RALYL: variants seen among roughly 807,000 people sequenced by gnomAD.
The protein encoded by RALYL is RNA-binding Raly-like protein.
RALYL carries 29 observed loss-of-function variants against 35.1 expected under a neutral mutation model. The observed-to-expected ratio is 0.83, with a 90% confidence interval of 0.61 to 1.13. The LOEUF (loss-of-function observed/expected upper bound fraction) is 1.13. RALYL is among the 50% of genes most tolerant of loss of function. RALYL has a pLI of 0.00. For synonymous variants in RALYL, 120 were observed against 127.6 expected, an observed-to-expected ratio of 0.94 and a Z score of 0.40; for missense variants, 359 against 360.4, an observed-to-expected ratio of 1.00 and a Z score of 0.03.
At chr8:84,596,588 G>T (rs184645652) in intron 2 of RALYL, among the ~76,000 whole-genome samples, 8 of 152,246 alleles carry the variant, frequency 5.3e-5, no homozygotes, top group African/African-American at 1.7e-4. Context: ...TGGTTCCCCT[G>T]TGATGAGTCT....
intron 1 of RALYL, among the ~76,000 whole-genome samples, chr8:84,448,758 T>C (rs764870125): frequency 6.6e-6 from 1 of 152,072 alleles, no homozygotes; most frequent in Non-Finnish European, 1.5e-5. Flanking sequence ...TCACCTCTTA[T>C]AGCGTAAAAA....
At chr8:84,796,840 G>T (rs958442676) in intron 3 of RALYL, among the ~76,000 whole-genome samples, 1 of 152,050 alleles carries the variant, frequency 6.6e-6, no homozygotes, top group African/African-American at 2.4e-5. Flanking sequence ...AAATAGCCTG[G>T]GCCACCATCA....
At chr8:84,680,659 G>T (rs1835258537) in intron 2 of RALYL, among the ~76,000 whole-genome samples, 1 of 152,176 alleles carries the variant, frequency 6.6e-6, no homozygotes, top group African/African-American at 2.4e-5. Context: ...TTTGAGAAGT[G>T]TCTGTTCATA....
At chr8:84,288,562 C>CTTTTTTCTGCATTTTTAGTTGCATCT (rs1563673995) in intron 1 of RALYL, among the ~76,000 whole-genome samples, 1 of 152,016 alleles carries the variant, frequency 6.6e-6, no homozygotes, top group Admixed American at 6.6e-5. Context: ...TTAGTTGCAT[C>CTTTTTTCTGCATTTTTAGTTGCATCT]TTTTTTCTGC....
intron 1 of RALYL, among the ~76,000 whole-genome samples, chr8:84,329,246 C>A (rs935162088): frequency 6.6e-6 from 1 of 152,114 alleles, no homozygotes; most frequent in Non-Finnish European, 1.5e-5. Context: ...ATTTCTTTTT[C>A]TCCACAGCCT....
intron 3 of RALYL, among the ~76,000 whole-genome samples, chr8:84,792,360 C>T (rs1563614983): frequency 2.0e-5 from 3 of 152,166 alleles, no homozygotes; most frequent in Admixed American, 6.5e-5. Flanking sequence ...TCCTTTCCAA[C>T]TGTCCCCAGC....
chr8:84,546,283 C>T (rs3112027), intron 2 of RALYL, among the ~76,000 whole-genome samples: 563 of 152,092 alleles, frequency 3.7e-3, no homozygotes, highest in Non-Finnish European at 6.5e-3. Context: ...CCATGCCCAG[C>T]GAATTTTTGT....
Position 84,887,794 on chromosome 8 carries a change from G to A in RALYL, c.858+18G>A, listed in dbSNP as rs758541271. 60 of 1,604,204 alleles carry A rather than the reference G, an allele frequency of 3.7e-5. No individual in the cohort carries two copies. The highest frequency in any genetic ancestry group is 4.9e-5 in the Non-Finnish European group (57 of 1,175,024). Reference sequence around the variant, plus strand: ...ATGAGCTGGTAGGAAAGAAACATTTGGTATTCACACCCTTTGGGTAACAAC... The same window carrying A: ...ATGAGCTGGTAGGAAAGAAACATTTAGTATTCACACCCTTTGGGTAACAAC... On this transcript the variant is annotated intron_variant, in intron 8 of 8. Transcript: ENST00000521268.
At chr8:84,735,348 G>A (rs1847057883) in intron 2 of RALYL, among the ~76,000 whole-genome samples, 1 of 151,970 alleles carries the variant, frequency 6.6e-6, no homozygotes, top group Non-Finnish European at 1.5e-5. Context: ...TAACAATTTA[G>A]TATCTTAGGT....
At chr8:84,318,039 G>A (rs543980263) in intron 1 of RALYL, among the ~76,000 whole-genome samples, 349 of 152,032 alleles carry the variant, frequency 2.3e-3, no homozygotes, top group Non-Finnish European at 3.9e-3. Context: ...TGTAGACAAC[G>A]AAAATAGCCA....
intron 2 of RALYL, 22 bp from the exon 3 acceptor site, chr8:84,774,557 C>A: frequency 6.6e-7 from 1 of 1,510,660 alleles, no homozygotes; most frequent in Non-Finnish European, 9.1e-7. Context: ...TTAATCAGTA[C>A]TGTTTTATTT....
chr8:84,468,166 G>A (rs1378557318), intron 1 of RALYL, among the ~76,000 whole-genome samples: 1 of 151,822 alleles, frequency 6.6e-6, no homozygotes, highest in Non-Finnish European at 1.5e-5. Flanking sequence ...ATTGTTATGT[G>A]TGAATTTGAT....
At chr8:84,490,078 C>T (rs1340909496) in intron 1 of RALYL, among the ~76,000 whole-genome samples, 10 of 91,844 alleles carry the variant, frequency 1.1e-4, no homozygotes, top group African/African-American at 3.1e-4. Flanking sequence ...TGCTTGCGTG[C>T]ATGTGTGTGT....
chr8:84,204,598 T>G (rs1817648956), intron 1 of RALYL, among the ~76,000 whole-genome samples: 1 of 152,184 alleles, frequency 6.6e-6, no homozygotes, highest in African/African-American at 2.4e-5. Flanking sequence ...TGTTGTTGTT[T>G]CTACAAAAAT....
intron 1 of RALYL, among the ~76,000 whole-genome samples, chr8:84,523,269 C>T (rs1000339067): frequency 2.0e-5 from 3 of 149,922 alleles, no homozygotes; most frequent in Admixed American, 7.1e-5. Flanking sequence ...GCATGTGCAG[C>T]GAAACTTCCC....
rs1264828681 is a variant in RALYL, at chr8:84,706,035, C to G, written c.257-68544C>G. 27 of 1,535,022 alleles carry G rather than the reference C, an allele frequency of 1.8e-5. No individual in the cohort carries two copies. In the South Asian group the frequency reaches 2.9e-4, roughly 16 times the overall value. The stretch of plus-strand genomic sequence containing the variant: ...TAATTTTTTTCAAAATGACCATGTA[C>G]AAGAGCAAACGCAGACATCAGAGAT... On this transcript the variant is annotated intron_variant, in intron 2 of 8. Coordinates refer to ENST00000521268, the MANE Select transcript of RALYL (RefSeq NM_173848.7).
chr8:84,835,683 C>CA (rs5892932), intron 4 of RALYL, among the ~76,000 whole-genome samples: 5,791 of 72,358 alleles, frequency 0.08, 627 homozygotes, highest in African/African-American at 0.26. Context: ...AACTCCGTCT[C>CA]AAAAAAAAAA....
At chr8:84,197,789 CA>C (rs970322569) in intron 1 of RALYL, among the ~76,000 whole-genome samples, 3 of 148,968 alleles carry the variant, frequency 2.0e-5, no homozygotes, top group Admixed American at 6.7e-5. Flanking sequence ...AAAAAAAAGA[CA>C]AAAAAAATAA....
intron 1 of RALYL, among the ~76,000 whole-genome samples, chr8:84,372,882 ATC>A (rs1856028136): frequency 2.4e-5 from 1 of 42,348 alleles, no homozygotes; most frequent in Non-Finnish European, 4.3e-5. Flanking sequence ...CCATGCCAGC[ATC>A]TGTTTTTTTT....
Sources: gnomAD v4.1 joint callset for allele counts (sites outside exome capture counted in the v4.1 genomes callset) on GRCh38, gnomAD v4.1.1 for gene constraint, MANE v1.5 for transcripts, NCBI Gene and HGNC (gene_info 2026-07-23, HGNC 2026-07-21) for gene names.